Variants in RSPH14 observed in about 807,000 individuals in gnomAD.
The protein encoded by RSPH14 is radial spoke head 14 homolog.
Under a neutral mutation model 26.7 loss-of-function variants are expected in RSPH14, and 20 were observed. The observed-to-expected ratio is 0.75, with a 90% CI of 0.53 to 1.09. The LOEUF (loss-of-function observed/expected upper bound fraction) is 1.09. Ranked by LOEUF, RSPH14 falls within the 50% of genes least tolerant of loss-of-function variation. The pLI is 0.00. For missense variants in RSPH14, 449 were observed against 457.2 expected (o/e 0.98, Z 0.16); for synonymous variants, 177 against 189.3 (o/e 0.93, Z 0.53).
At chr22:23,063,856 G>T (rs2068141396) in intron 5 of RSPH14, 46 bp downstream of exon 5, 2 of 1,585,666 alleles carry the variant, frequency 1.3e-6, no homozygotes, top group Non-Finnish European at 1.7e-6. Flanking sequence ...CAGCTCAGGT[G>T]CCTTCTCCCA....
chr22:23,072,326 G>A (rs1425690015), intron 4 of RSPH14, among the ~76,000 whole-genome samples: 2 of 152,128 alleles, frequency 1.3e-5, no homozygotes, highest in African/African-American at 4.8e-5. Flanking sequence ...TGGCCTGGCG[G>A]TGCTTGGATA....
At chr22:23,167,674 C>A in the RSPH14 span, among the ~76,000 whole-genome samples, 1 of 152,092 alleles carries the variant, frequency 6.6e-6, no homozygotes, top group Non-Finnish European at 1.5e-5. Flanking sequence ...TAAATTGACA[C>A]GTTCACTCAT....
At chr22:23,085,521 C>T (rs1415043461) in intron 4 of RSPH14, among the ~76,000 whole-genome samples, 2 of 152,194 alleles carry the variant, frequency 1.3e-5, no homozygotes, top group Non-Finnish European at 2.9e-5. Flanking sequence ...ACGGGAGAAG[C>T]AGTGGAGGAT....
intron 4 of RSPH14, among the ~76,000 whole-genome samples, chr22:23,127,347 T>C (rs2070210016): frequency 6.6e-6 from 1 of 152,180 alleles, no homozygotes; most frequent in African/African-American, 2.4e-5. Flanking sequence ...TGACCATCAT[T>C]CCTGCTAAGT....
At chr22:23,156,023 G>C in the RSPH14 span, 2 of 1,612,160 alleles carry the variant, frequency 1.2e-6, no homozygotes, top group South Asian at 2.2e-5. Flanking sequence ...CTACTACCGG[G>C]GTGCCCAGGG....
chr22:23,140,187 C>G lies in RSPH14; in HGVS notation c.199+35G>C, dbSNP rs749646687. 6 of 1,609,370 alleles carry G rather than the reference C, an allele frequency of 3.7e-6. No homozygotes were observed. In the South Asian group the frequency reaches 5.5e-5, roughly 15 times the overall value. On this transcript the variant is annotated intron_variant, in intron 2 of 6. Coordinates refer to ENST00000216036, the MANE Select transcript of RSPH14 (RefSeq NM_014433.3). ...CCAGTGCCTGAAGCCATGCTAGGAC[C>G]CCAGTCATGGTCACCTGTGCTGTGT... is the stretch of plus-strand genomic sequence containing the variant.
chr22:23,081,303 C>T (rs1393698417), intron 4 of RSPH14, among the ~76,000 whole-genome samples: 4 of 152,070 alleles, frequency 2.6e-5, no homozygotes, highest in South Asian at 2.1e-4. Flanking sequence ...ACCCCAGAAC[C>T]GGAAACTCTG....
chr22:23,122,231 T>TC (rs2070051752), intron 4 of RSPH14: 3 of 152,256 alleles, frequency 2.0e-5, no homozygotes, highest in African/African-American at 7.2e-5. Flanking sequence ...AGCATCATGC[T>TC]TCTTAAAAGC....
intron 4 of RSPH14, among the ~76,000 whole-genome samples, chr22:23,103,333 A>G (rs1191243977): frequency 6.6e-6 from 1 of 152,152 alleles, no homozygotes; most frequent in Non-Finnish European, 1.5e-5. Flanking sequence ...CCAGTGCACC[A>G]CAGCCAGTGA....
At chr22:23,074,781 G>A (rs1246632398) in intron 4 of RSPH14, among the ~76,000 whole-genome samples, 1 of 152,202 alleles carries the variant, frequency 6.6e-6, no homozygotes, top group Non-Finnish European at 1.5e-5. Context: ...GCGGGTCCCA[G>A]AGAGCAGGTC....
At chr22:23,120,506 G>A (rs1189680940) in intron 4 of RSPH14, among the ~76,000 whole-genome samples, 1 of 152,160 alleles carries the variant, frequency 6.6e-6, no homozygotes, top group South Asian at 2.1e-4. Context: ...CATCAGTGAG[G>A]TGGCCCTCCT....
chr22:23,106,352 G>A (rs148106198), intron 4 of RSPH14, among the ~76,000 whole-genome samples: 2 of 152,344 alleles, frequency 1.3e-5, no homozygotes, highest in East Asian at 3.9e-4. Context: ...CATCCTGGAG[G>A]CTGCACACAG....
chr22:23,138,790 G>T (rs1569197154), intron 3 of RSPH14, 50 bp downstream of exon 3: 1 of 1,461,796 alleles, frequency 6.8e-7, no homozygotes, highest in East Asian at 2.5e-5. Context: ...CCACCCAGGG[G>T]AGAAGTGCGG....
At chr22:23,125,288 CTCCT>C in intron 4 of RSPH14, among the ~76,000 whole-genome samples, 1 of 152,066 alleles carries the variant, frequency 6.6e-6, no homozygotes, top group East Asian at 1.9e-4. Context: ...GTGATGATGA[CTCCT>C]GCCCCTCCCG....
chr22:23,159,049 G>C, the RSPH14 span: 1 of 1,586,142 alleles, frequency 6.3e-7, no homozygotes, highest in Non-Finnish European at 8.6e-7. Flanking sequence ...CCTCATTGGA[G>C]GAGCCATGGG....
intron 3 of RSPH14, among the ~76,000 whole-genome samples, chr22:23,134,548 C>CAAA (rs59412175): frequency 1.6e-3 from 134 of 86,116 alleles, no homozygotes; most frequent in African/African-American, 5.6e-3. Context: ...AACTCCCAAC[C>CAAA]AAAAAAAAAA....
chr22:23,081,522 GGTTATAGGCCAATAT>G (rs2068677168), intron 4 of RSPH14, among the ~76,000 whole-genome samples: 1 of 139,886 alleles, frequency 7.1e-6, no homozygotes, highest in African/African-American at 3.4e-5. Flanking sequence ...AGGCCAATCA[GGTTATAGGCCAATAT>G]GTTATAGGCC....
intron 4 of RSPH14, among the ~76,000 whole-genome samples, chr22:23,077,083 A>G (rs2068525604): frequency 6.6e-6 from 1 of 152,116 alleles, no homozygotes; most frequent in South Asian, 2.1e-4. Flanking sequence ...GGAAAGAGTC[A>G]TGGTCGATTA....
chr22:23,062,061 G>GC, intron 5 of RSPH14, 116 bp from the exon 6 acceptor site: 2 of 1,232,138 alleles, frequency 1.6e-6, no homozygotes, highest in Non-Finnish European at 2.3e-6. Context: ...ACCCCAGGTA[G>GC]TCCCAGGACT....
Sources: gnomAD v4.1 joint callset for allele counts (sites outside exome capture counted in the v4.1 genomes callset) on GRCh38, gnomAD v4.1.1 for gene constraint, MANE v1.5 for transcripts, NCBI Gene and HGNC (gene_info 2026-07-23, HGNC 2026-07-21) for gene names.